ANKMY1: variants seen among roughly 807,000 people sequenced by gnomAD.
ANKMY1 encodes ankyrin repeat and MYND domain-containing protein 1.
Under a neutral mutation model 102.0 loss-of-function variants are expected in ANKMY1, and 98 were observed. The ratio of observed to expected loss-of-function variants is 0.96; its 90% CI spans 0.82 to 1.14. The LOEUF (loss-of-function observed/expected upper bound fraction) is 1.14, where lower values mean the gene tolerates loss of function less well. Among genes scored for constraint, ANKMY1 ranks in the 50% most tolerant of loss-of-function variants. The pLI is 0.00. For missense variants in ANKMY1, 1,330 were observed against 1,347.6 expected, an observed-to-expected ratio of 0.99 and a Z score of 0.20; for synonymous variants, 582 against 559.9, an observed-to-expected ratio of 1.04 and a Z score of -0.56.
intron 15 of ANKMY1, among the ~76,000 whole-genome samples, chr2:240,493,940 G>GA (rs1193793372): frequency 1.3e-5 from 2 of 152,224 alleles, no homozygotes; most frequent in South Asian, 2.1e-4. Flanking sequence ...CCAATGGCAT[G>GA]AAAATTCTCT....
intron 8 of ANKMY1, chr2:240,522,536 A>G (rs968127148): frequency 1.3e-5 from 2 of 152,184 alleles, no homozygotes; most frequent in African/African-American, 4.8e-5. Context: ...TGGTCTTCCT[A>G]TTTGAACTAC....
At chr2:240,515,773 A>G (rs1018800474) in intron 9 of ANKMY1, among the ~76,000 whole-genome samples, 1 of 152,004 alleles carries the variant, frequency 6.6e-6, no homozygotes, top group Admixed American at 6.6e-5. Flanking sequence ...GCTGGAGTGC[A>G]GTGGCGCGAT....
chr2:240,483,005 C>CAT (rs2075604477), intron 15 of ANKMY1, among the ~76,000 whole-genome samples: 9 of 152,072 alleles, frequency 5.9e-5, no homozygotes, highest in Non-Finnish European at 1.0e-4. Flanking sequence ...TTACATCTTC[C>CAT]TAACTGATGA....
chr2:240,510,602 G>T (rs2079986626), intron 11 of ANKMY1, among the ~76,000 whole-genome samples: 1 of 152,126 alleles, frequency 6.6e-6, no homozygotes, highest in African/African-American at 2.4e-5. Context: ...GTGTCTGGCT[G>T]GCCCAACCAC....
chr2:240,529,892 G>A lies in ANKMY1; in HGVS notation c.481-383C>T, dbSNP rs1454218068. 6.6e-6 allele frequency among the ~76,000 whole-genome samples: 1 copy of A among 152,170 alleles called. No individual in the cohort carries two copies. Among genetic ancestry groups the A allele is most frequent in the Non-Finnish European group, 1.5e-5 (1 of 68,034 alleles). ...TGGGGCAGCAGTGGGTGGGGAGGAA[G>A]TATGCAGGCAGCAGGTCAGGTATGA... is the stretch of plus-strand genomic sequence containing the variant. On this transcript the variant is annotated intron_variant, in intron 4 of 17. Transcript: ENST00000401804. The surrounding 1 kb of genome is among the most constrained non-coding windows in gnomAD (Gnocchi z 4.2).
At chr2:240,476,010 T>G (rs2074827905), downstream of ANKMY1, among the ~76,000 whole-genome samples, 1 of 152,182 alleles carries the variant, frequency 6.6e-6, no homozygotes, top group South Asian at 2.1e-4. Flanking sequence ...ATCTTAAAAT[T>G]TGTGTGGAAT....
the ANKMY1 span, among the ~76,000 whole-genome samples, chr2:240,469,903 CCTG>C: frequency 6.6e-6 from 1 of 152,218 alleles, no homozygotes; most frequent in Admixed American, 6.5e-5. Context: ...CACACATCCT[CCTG>C]CACATGCATG....
Position 240,515,264 on chromosome 2 carries a change from C to T in ANKMY1, c.2005-2322G>A, listed in dbSNP as rs539390161. 5.3e-5 allele frequency among the ~76,000 whole-genome samples: 8 copies of T among 152,296 alleles called. No homozygotes were observed. In the East Asian group the frequency reaches 7.7e-4, roughly 15 times the overall value. ...TTAATAGAAAATTGTTGGCTGGACGCGGTATCTCACACCTGTAATCCCAGC... is the reference window on the plus strand; with the variant it reads ...TTAATAGAAAATTGTTGGCTGGACGTGGTATCTCACACCTGTAATCCCAGC... On this transcript the variant is annotated intron_variant, in intron 9 of 17. Coordinates refer to ENST00000401804, the MANE Select transcript of ANKMY1 (RefSeq NM_001282771.3).
At chr2:240,488,046 G>A (rs2076252489) in intron 15 of ANKMY1, among the ~76,000 whole-genome samples, 1 of 151,974 alleles carries the variant, frequency 6.6e-6, no homozygotes, top group South Asian at 2.1e-4. Flanking sequence ...TACCTTCTTT[G>A]CCTAGATCAA....
intron 4 of ANKMY1, among the ~76,000 whole-genome samples, chr2:240,543,633 T>C (rs1177745525): frequency 6.6e-6 from 1 of 152,118 alleles, no homozygotes; most frequent in African/African-American, 2.4e-5. Context: ...AAGGTTCTTA[T>C]TTAGATGAAT....
intron 13 of ANKMY1, among the ~76,000 whole-genome samples, chr2:240,504,486 TA>T (rs2078725799): frequency 6.6e-6 from 1 of 152,186 alleles, no homozygotes; most frequent in South Asian, 2.1e-4. Context: ...TCATGAAAAT[TA>T]AAAACTTTTG....
rs769785086 is a variant in ANKMY1 at position 240,552,858 on chromosome 2, GGC to G, written c.480+54_480+55del. 3 of 1,611,356 alleles carry G rather than the reference GGC, an allele frequency of 1.9e-6. No individual in the cohort carries two copies. In the African/African-American group the frequency reaches 4.0e-5, roughly 22 times the overall value. On this transcript the variant is annotated intron_variant, in intron 4 of 17. Transcript: ENST00000401804. ...GGACCGAAATATCTTTTTGTCCAGT[GGC>G]TTAGACACACACAGCCACTTCGACC... is the stretch of plus-strand genomic sequence containing the variant.
downstream of ANKMY1, among the ~76,000 whole-genome samples, chr2:240,478,332 G>T (rs1031144293): frequency 6.6e-6 from 1 of 152,190 alleles, no homozygotes; most frequent in Non-Finnish European, 1.5e-5. Context: ...TCTTTCTTTT[G>T]CTTTGTAGAT....
chr2:240,492,455 ACCTGTCTT>A (rs1402074838), intron 15 of ANKMY1, among the ~76,000 whole-genome samples: 1 of 151,926 alleles, frequency 6.6e-6, no homozygotes, highest in Non-Finnish European at 1.5e-5. Context: ...ATTTCAAAAG[ACCTGTCTT>A]CAAGTTTTGA....
intron 4 of ANKMY1, among the ~76,000 whole-genome samples, chr2:240,552,311 AGTTT>A (rs2091658904): frequency 7.7e-6 from 1 of 130,460 alleles, no homozygotes; most frequent in Non-Finnish European, 1.7e-5. Context: ...TATTTTGCAG[AGTTT>A]GTTTTTTTTC....
chr2:240,533,589 A>T (rs1271724324), intron 4 of ANKMY1, among the ~76,000 whole-genome samples: 1 of 152,102 alleles, frequency 6.6e-6, no homozygotes, highest in African/African-American at 2.4e-5. Context: ...TGTGGTTCAC[A>T]TTCACAGCAC....
chr2:240,525,636 G>A lies in ANKMY1; in HGVS notation c.1335+49C>T, dbSNP rs746030038. 3.8e-6 allele frequency: 6 copies of A among 1,587,930 alleles called. No homozygotes were observed. The East Asian group carries it at 1.4e-4, about 36-fold the overall frequency. On this transcript the variant is annotated intron_variant, in intron 7 of 17. Transcript: ENST00000401804. ...CTTGGTGGACATTTACAGAGACAGA[G>A]AAGACTACAGGAGACAGTTGGTGGT...
At chr2:240,487,725 C>T (rs780629399) in intron 15 of ANKMY1, among the ~76,000 whole-genome samples, 3 of 151,958 alleles carry the variant, frequency 2.0e-5, no homozygotes, top group Admixed American at 6.5e-5. Flanking sequence ...TTTTTTTAGG[C>T]ATAAGACGAA....
At chr2:240,502,819 A>C (rs1311070050) in intron 13 of ANKMY1, among the ~76,000 whole-genome samples, 1 of 131,302 alleles carries the variant, frequency 7.6e-6, no homozygotes, top group African/African-American at 2.9e-5. Flanking sequence ...TCTCCTCCAG[A>C]CCCTCCCCTC....
Sources: allele counts gnomAD v4.1 joint callset (sites outside exome capture counted in the v4.1 genomes callset), GRCh38; gene constraint gnomAD v4.1.1; non-coding constraint Gnocchi (gnomAD v3.1); transcripts MANE v1.5; gene names NCBI Gene and HGNC (gene_info 2026-07-23, HGNC 2026-07-21).